Variants in PCLO observed in about 807,000 individuals in gnomAD.
The protein encoded by PCLO is piccolo presynaptic cytomatrix protein, also known as protein piccolo.
Under a neutral mutation model 427.5 loss-of-function variants are expected in PCLO, and 82 were observed. The observed-to-expected ratio is 0.19, with a 90% confidence interval of 0.16 to 0.23. The LOEUF (loss-of-function observed/expected upper bound fraction) is 0.23. Among genes scored for constraint, PCLO ranks in the 10% least tolerant of loss-of-function variants. The pLI is 1.00. For missense variants in PCLO, 6,239 were observed against 6,115.9 expected, an observed-to-expected ratio of 1.02 and a Z score of -0.67; for synonymous variants, 2,357 against 2,155.4, an observed-to-expected ratio of 1.09 and a Z score of -2.59.
At chr7:82,988,134 CT>C (rs532597698) in intron 3 of PCLO, among the ~76,000 whole-genome samples, 88 of 152,160 alleles carry the variant, frequency 5.8e-4, no homozygotes, top group African/African-American at 2.0e-3. Flanking sequence ...CCCACCTCAG[CT>C]TCTGAAGTAG....
At chr7:82,903,831 T>C (rs1486956650) in intron 8 of PCLO, among the ~76,000 whole-genome samples, 1 of 152,084 alleles carries the variant, frequency 6.6e-6, no homozygotes, top group Non-Finnish European at 1.5e-5. Flanking sequence ...TAAAGAGGTA[T>C]ACATTTTGTG....
intron 3 of PCLO, among the ~76,000 whole-genome samples, chr7:83,044,551 T>C (rs1789058928): frequency 6.6e-6 from 1 of 152,180 alleles, no homozygotes; most frequent in Non-Finnish European, 1.5e-5. Context: ...TAACAGTTCC[T>C]AAGTCGGTTT....
intron 3 of PCLO, among the ~76,000 whole-genome samples, chr7:83,028,866 C>G (rs1242913387): frequency 6.6e-6 from 1 of 151,810 alleles, no homozygotes; most frequent in African/African-American, 2.4e-5. Context: ...TAACGGATTC[C>G]CTATTTAATA....
chr7:82,935,979 T>G lies in PCLO; in HGVS notation c.11112+13497A>C, dbSNP rs376898752. On this transcript the variant is annotated intron_variant, in intron 6 of 24. Coordinates refer to ENST00000333891, the MANE Select transcript of PCLO (RefSeq NM_033026.6). ...GAAAGCATTGTGATGTTCTGGTTCA[T>G]TCTCCTATAATCTCCTATTCTCTAG... Among the ~76,000 whole-genome samples the G allele has an allele frequency of 3.0e-4, 45 of 151,812 alleles. 2 individuals carry two copies. In the South Asian group the frequency reaches 8.5e-3, roughly 29 times the overall value.
intron 3 of PCLO, among the ~76,000 whole-genome samples, chr7:82,977,067 T>A (rs916239985): frequency 1.3e-5 from 2 of 152,008 alleles, no homozygotes; most frequent in African/African-American, 2.4e-5. Flanking sequence ...TTCGAAAAAA[T>A]TTTTAAAGGA....
At chr7:83,024,870 C>T (rs561920916) in intron 3 of PCLO, among the ~76,000 whole-genome samples, 9 of 152,188 alleles carry the variant, frequency 5.9e-5, no homozygotes, top group South Asian at 4.1e-4. Context: ...CGGCAGGGTA[C>T]TCCAACACCT....
At chr7:83,032,411 TC>T (rs1300504044) in intron 3 of PCLO, among the ~76,000 whole-genome samples, 7 of 115,164 alleles carry the variant, frequency 6.1e-5, no homozygotes, top group African/African-American at 2.6e-4. Context: ...CCTCCCTCCC[TC>T]CTTCCCTTCC....
chr7:82,784,521 C>T (rs1260388839), intron 22 of PCLO, among the ~76,000 whole-genome samples: 1 of 152,144 alleles, frequency 6.6e-6, no homozygotes, highest in Admixed American at 6.5e-5. Context: ...CACACAACCA[C>T]ACAATTAACA....
intron 4 of PCLO, 71 bp from the exon 5 acceptor site, chr7:82,957,006 C>T: frequency 7.1e-7 from 1 of 1,408,100 alleles, no homozygotes; most frequent in South Asian, 1.7e-5. Flanking sequence ...TCCATTACTA[C>T]CAAATAACTA....
intron 3 of PCLO, among the ~76,000 whole-genome samples, chr7:83,013,013 T>C (rs1435257251): frequency 6.6e-6 from 1 of 152,158 alleles, no homozygotes; most frequent in African/African-American, 2.4e-5. Flanking sequence ...ATGAGTTCAA[T>C]ACTCATCCCA....
chr7:83,073,369 C>A (rs1405872151), intron 3 of PCLO, among the ~76,000 whole-genome samples: 1 of 151,906 alleles, frequency 6.6e-6, no homozygotes, highest in East Asian at 1.9e-4. Flanking sequence ...TGAGTACATT[C>A]AATGTACCAA....
intron 9 of PCLO, among the ~76,000 whole-genome samples, chr7:82,892,702 A>T (rs1028081148): frequency 6.6e-6 from 1 of 152,172 alleles, no homozygotes; most frequent in African/African-American, 2.4e-5. Context: ...AATATCCAGA[A>T]TCTACAATGA....
rs200266414 is a variant in PCLO, at chr7:82,840,736, C to A, written c.14097+723G>T. 5.9e-5 allele frequency among the ~76,000 whole-genome samples: 9 copies of A among 152,112 alleles called. No individual in the cohort carries two copies. In the East Asian group the frequency reaches 1.7e-3, roughly 29 times the overall value. ...TTTCCTCTAGAATGTATTAGAGATG[C>A]AGCTAAGACTCTCTTTCATCTGAAA... On this transcript the variant is annotated intron_variant, in intron 14 of 24. Transcript: ENST00000333891.
At position 82,955,292 on chromosome 7, in the gene PCLO, G is replaced by T. The variant is rs1177681316; in HGVS notation, c.5661C>A (p.Pro1887=). ...TTGGTGAGTATAATGAAACAGCTGT[G>T]GGCAATTTATAAACTTTTTGTACTT... The part of the protein sequence containing the change: ...IIEVQKVYKL[P]TAVSLYSPTD... The change falls in exon 5 of 25, where the codon CCC becomes CCA. Residue 1887 remains proline (P), a synonymous_variant. Transcript: ENST00000333891. The T allele has an allele frequency of 1.9e-6, 3 of 1,613,112 alleles. No individual in the cohort carries two copies. The African/African-American group carries it at 4.0e-5, about 22-fold the overall frequency.
intron 3 of PCLO, among the ~76,000 whole-genome samples, chr7:83,115,449 T>C (rs779641710): frequency 2.0e-5 from 3 of 152,190 alleles, no homozygotes; most frequent in South Asian, 4.1e-4. Context: ...ATTTAAAAGA[T>C]AAATGCCACA....
chr7:83,154,445 T>C (rs936241754), intron 2 of PCLO, among the ~76,000 whole-genome samples: 19 of 152,194 alleles, frequency 1.2e-4, no homozygotes, highest in Non-Finnish European at 2.9e-5. Context: ...AGCAATACCA[T>C]TGTATGCTAA....
chr7:82,952,775 A>G lies in PCLO; in HGVS notation c.8178T>C (p.Asp2726=). 1 of 1,613,546 alleles carries G rather than the reference A, an allele frequency of 6.2e-7. No individual in the cohort carries two copies. The highest frequency in any genetic ancestry group is 8.5e-7 in the Non-Finnish European group (1 of 1,179,630). ...TTGGTACTGTACGCAAATCAATTAC[A>G]TCACCAACAAGTTGCAATTTTCCAT... The part of the protein sequence containing the change: ...KEDGKLQLVG[D]VIDLRTVPKV... Residue 2726 remains aspartate, a synonymous_variant, in exon 5 of 25, where the codon GAT becomes GAC. Transcript: ENST00000333891.
intron 10 of PCLO, among the ~76,000 whole-genome samples, chr7:82,865,984 T>C (rs915750236): frequency 2.6e-5 from 4 of 152,146 alleles, no homozygotes; most frequent in African/African-American, 9.7e-5. Flanking sequence ...TTAAAGTCCT[T>C]ACAATGGCCT....
intron 20 of PCLO, among the ~76,000 whole-genome samples, chr7:82,815,990 T>C (rs373681023): frequency 1.3e-5 from 2 of 152,116 alleles, no homozygotes; most frequent in East Asian, 3.8e-4. Context: ...TATAATTTGG[T>C]TTCATTTGAA....
Sources: allele counts gnomAD v4.1 joint callset (sites outside exome capture counted in the v4.1 genomes callset), GRCh38; gene constraint gnomAD v4.1.1; transcripts MANE v1.5; gene names NCBI Gene and HGNC (gene_info 2026-07-23, HGNC 2026-07-21).